AFG2A: variants seen among roughly 807,000 people sequenced by gnomAD.
AFG2A encodes AAA ATPase AFG2A.
chr4:123,121,920 G>T, the AFG2A span, among the ~76,000 whole-genome samples: 1 of 152,092 alleles, frequency 6.6e-6, no homozygotes, highest in East Asian at 1.9e-4. Context: ...AAGATTGATT[G>T]TTCAGAAACT....
chr4:123,256,138 G>T, the AFG2A span: 1 of 1,614,078 alleles, frequency 6.2e-7, no homozygotes, highest in Non-Finnish European at 8.5e-7. Flanking sequence ...AAGTTGACCT[G>T]GATGAACTCA....
the AFG2A span, among the ~76,000 whole-genome samples, chr4:122,943,012 A>G: frequency 6.6e-6 from 1 of 151,812 alleles, no homozygotes; most frequent in African/African-American, 2.4e-5. Flanking sequence ...GTTTGTTATA[A>G]TTTCTGTTCT....
the AFG2A span, among the ~76,000 whole-genome samples, chr4:123,276,580 T>C: frequency 2.0e-5 from 3 of 152,168 alleles, no homozygotes. Context: ...GAATGGTATC[T>C]CCTATGTTAT....
the AFG2A span, among the ~76,000 whole-genome samples, chr4:123,185,065 G>A: frequency 6.6e-6 from 1 of 152,210 alleles, no homozygotes; most frequent in African/African-American, 2.4e-5. Flanking sequence ...CCTTTATTTT[G>A]TAGGTGAAAC....
chr4:123,139,246 A>T, the AFG2A span, among the ~76,000 whole-genome samples: 3 of 152,118 alleles, frequency 2.0e-5, no homozygotes, highest in African/African-American at 7.2e-5. Context: ...CTGATTCTGT[A>T]GCAATCACTG....
At chr4:122,936,799 G>C in the AFG2A span, among the ~76,000 whole-genome samples, 526 of 152,310 alleles carry the variant, frequency 3.5e-3, 6 homozygotes, top group African/African-American at 0.012. Flanking sequence ...GGCTAACATA[G>C]TGAAACCCCG....
the AFG2A span, among the ~76,000 whole-genome samples, chr4:123,213,975 G>A: frequency 6.6e-6 from 1 of 152,112 alleles, no homozygotes; most frequent in Non-Finnish European, 1.5e-5. Context: ...GTCTAACTCA[G>A]TTTAGTCCTA....
chr4:123,044,194 G>T, the AFG2A span, among the ~76,000 whole-genome samples: 1 of 152,196 alleles, frequency 6.6e-6, no homozygotes, highest in Non-Finnish European at 1.5e-5. Flanking sequence ...CCCTAATCAT[G>T]TGGAAAGTTT....
At chr4:123,261,272 A>G in the AFG2A span, among the ~76,000 whole-genome samples, 2 of 152,220 alleles carry the variant, frequency 1.3e-5, no homozygotes, top group African/African-American at 4.8e-5. Flanking sequence ...CTATCTCTCT[A>G]TTCTTCCTTG....
chr4:123,108,082 A>G, the AFG2A span, among the ~76,000 whole-genome samples: 1 of 152,152 alleles, frequency 6.6e-6, no homozygotes, highest in Non-Finnish European at 1.5e-5. Flanking sequence ...CGCAGCCTTG[A>G]CGGCTTGGCA....
chr4:123,212,777 C>T, the AFG2A span, among the ~76,000 whole-genome samples: 6 of 152,074 alleles, frequency 3.9e-5, no homozygotes, highest in Non-Finnish European at 7.4e-5. Flanking sequence ...CCTCTGGATC[C>T]GACTGCTTGC....
chr4:123,264,795 T>C, the AFG2A span, among the ~76,000 whole-genome samples: 2 of 152,194 alleles, frequency 1.3e-5, no homozygotes, highest in Non-Finnish European at 2.9e-5. Context: ...CTCACTTTCA[T>C]CTTGTAATAA....
At chr4:122,926,125 G>A in the AFG2A span, among the ~76,000 whole-genome samples, 1 of 152,152 alleles carries the variant, frequency 6.6e-6, no homozygotes, top group Non-Finnish European at 1.5e-5. Flanking sequence ...TGAGACCAGT[G>A]GCTGGGAATT....
the AFG2A span, among the ~76,000 whole-genome samples, chr4:123,301,165 A>G: frequency 1.3e-5 from 2 of 152,176 alleles, no homozygotes; most frequent in Non-Finnish European, 1.5e-5. Flanking sequence ...ATATGTATAC[A>G]TGGGTGTATG....
chr4:123,072,143 T>G, the AFG2A span, among the ~76,000 whole-genome samples: 1 of 152,210 alleles, frequency 6.6e-6, no homozygotes, highest in Non-Finnish European at 1.5e-5. Flanking sequence ...TGTGGAATCT[T>G]AAGCCATTCA....
At chr4:123,019,520 G>A in the AFG2A span, among the ~76,000 whole-genome samples, 1 of 151,988 alleles carries the variant, frequency 6.6e-6, no homozygotes, top group Non-Finnish European at 1.5e-5. Flanking sequence ...TTTCTTGTAG[G>A]CTATACTTCT....
At chr4:123,168,725 A>G in the AFG2A span, among the ~76,000 whole-genome samples, 1 of 152,226 alleles carries the variant, frequency 6.6e-6, no homozygotes, top group African/African-American at 2.4e-5. Flanking sequence ...GTTTGTTAAG[A>G]GGAAAGCCAA....
the AFG2A span, among the ~76,000 whole-genome samples, chr4:123,136,075 T>G: frequency 2.0e-5 from 3 of 152,218 alleles, no homozygotes; most frequent in East Asian, 5.8e-4. Context: ...AATTTTTCAG[T>G]AACTCAGTGT....
chr4:122,942,036 A>C, the AFG2A span, among the ~76,000 whole-genome samples: 4 of 151,936 alleles, frequency 2.6e-5, no homozygotes, highest in Non-Finnish European at 4.4e-5. Flanking sequence ...TCGGTTTGCC[A>C]GTATTTTATT....
Sources: gnomAD v4.1 joint callset for allele counts (sites outside exome capture counted in the v4.1 genomes callset) on GRCh38, gnomAD v4.1.1 for gene constraint, MANE v1.5 for transcripts, NCBI Gene and HGNC (gene_info 2026-07-23, HGNC 2026-07-21) for gene names.